Variants in ROS1 observed in about 807,000 individuals in gnomAD.
ROS1 encodes ROS proto-oncogene 1, receptor tyrosine kinase, also known as proto-oncogene tyrosine-protein kinase ROS.
Under a neutral mutation model 273.5 loss-of-function variants are expected in ROS1, and 263 were observed. That is an observed-to-expected ratio of 0.96 (90% CI 0.87 to 1.06). The LOEUF (loss-of-function observed/expected upper bound fraction) is 1.06. Ranked by LOEUF, ROS1 falls within the 50% of genes least tolerant of loss-of-function variation. ROS1 has a pLI of 0.00. For missense variants in ROS1, 2,833 were observed against 2,751.1 expected, an observed-to-expected ratio of 1.03 and a Z score of -0.67; for synonymous variants, 1,008 against 954.1, an observed-to-expected ratio of 1.06 and a Z score of -1.04.
intron 7 of ROS1, 86 bp downstream of exon 7, chr6:117,403,053 G>C: frequency 2.1e-6 from 3 of 1,457,128 alleles, no homozygotes; most frequent in Non-Finnish European, 2.9e-6. Flanking sequence ...GGAAGGAATA[G>C]ATTTATTTCA....
At chr6:117,305,223 T>C (rs1367211017) in intron 42 of ROS1, among the ~76,000 whole-genome samples, 1 of 152,152 alleles carries the variant, frequency 6.6e-6, no homozygotes, top group Non-Finnish European at 1.5e-5. Flanking sequence ...GCTATTGCCA[T>C]ACTTACTTAT....
intron 27 of ROS1, among the ~76,000 whole-genome samples, chr6:117,352,761 C>T (rs1167749632): frequency 6.6e-6 from 1 of 152,136 alleles, no homozygotes; most frequent in Non-Finnish European, 1.5e-5. Context: ...ACGCAGGTTT[C>T]CCATGTCTAA....
intron 33 of ROS1, among the ~76,000 whole-genome samples, chr6:117,327,539 G>A (rs1776730847): frequency 6.6e-6 from 1 of 152,066 alleles, no homozygotes. Flanking sequence ...ACTGTACTGG[G>A]GCTTTACATA....
chr6:117,302,954 TC>T (rs1395168099), intron 42 of ROS1, among the ~76,000 whole-genome samples: 5 of 152,202 alleles, frequency 3.3e-5, no homozygotes, highest in African/African-American at 1.2e-4. Flanking sequence ...TATCAAGTTC[TC>T]TTCTTTCTTC....
At chr6:117,398,677 T>G (rs1582848498) in intron 7 of ROS1, among the ~76,000 whole-genome samples, 1 of 102,324 alleles carries the variant, frequency 9.8e-6, no homozygotes, top group African/African-American at 3.5e-5. Context: ...AGACCTTGTC[T>G]CAAAAAAAAA....
intron 1 of ROS1, 136 bp downstream of exon 1, chr6:117,425,398 A>C: frequency 2.6e-6 from 2 of 766,632 alleles, no homozygotes; most frequent in Non-Finnish European, 3.9e-6. Context: ...AAGAAAAAAT[A>C]ATCTATCTTG....
rs560372916 is a variant in ROS1, at chr6:117,381,694, C to T, written c.2481+1623G>A. On this transcript the variant is annotated intron_variant, in intron 17 of 43. Transcript: ENST00000368507. Reference sequence around the variant, plus strand: ...CCTATCTTTGCAATTGCAAATTGTGCTGCCATAAACATATGTGTGCAGGTG... The same window carrying T: ...CCTATCTTTGCAATTGCAAATTGTGTTGCCATAAACATATGTGTGCAGGTG... 3.9e-5 allele frequency among the ~76,000 whole-genome samples: 6 copies of T among 152,214 alleles called. No homozygotes were observed. The East Asian group carries it at 1.2e-3, about 29-fold the overall frequency.
intron 25 of ROS1, 131 bp from the exon 26 acceptor site, chr6:117,357,046 A>T (rs1053443330): frequency 3.3e-5 from 24 of 731,062 alleles, no homozygotes; most frequent in Non-Finnish European, 4.0e-5. Flanking sequence ...GAACATGGTC[A>T]AGTTTTCAAT....
In ROS1 at chr6:117,354,156, G is replaced by C. The variant is rs185367853; in HGVS notation, c.4127-990C>G. 5.1e-3 allele frequency among the ~76,000 whole-genome samples: 773 copies of C among 152,202 alleles called. 6 individuals carry two copies. The highest frequency in any genetic ancestry group is 0.014 in the Middle Eastern group (4 of 294). On this transcript the variant is annotated intron_variant, in intron 26 of 43. Transcript: ENST00000368507. ...GCTTGAGCCCAGGAATTCAAGACTA[G>C]ACTGGGCAGCATAGCAATACCCTGT...
chr6:117,424,636 A>T (rs1227192647), intron 1 of ROS1, among the ~76,000 whole-genome samples: 4 of 152,058 alleles, frequency 2.6e-5, no homozygotes, highest in East Asian at 1.9e-4. Context: ...CTAAACTTTT[A>T]AAAAAATGCT....
intron 39 of ROS1, among the ~76,000 whole-genome samples, chr6:117,316,408 A>C (rs1775921124): frequency 6.6e-6 from 1 of 150,542 alleles, no homozygotes; most frequent in African/African-American, 2.4e-5. Context: ...TTGATATAAA[A>C]ATTTTTTTAA....
At chr6:117,312,232 A>G (rs1331271579) in intron 39 of ROS1, among the ~76,000 whole-genome samples, 2 of 151,860 alleles carry the variant, frequency 1.3e-5, no homozygotes, top group Non-Finnish European at 2.9e-5. Flanking sequence ...CTTGATTTCC[A>G]TGGACAGCCT....
chr6:117,369,980 T>C (rs1780630104), intron 18 of ROS1, among the ~76,000 whole-genome samples: 2 of 152,304 alleles, frequency 1.3e-5, no homozygotes, highest in Non-Finnish European at 2.9e-5. Flanking sequence ...TATACATATA[T>C]GTACATACGG....
At chr6:117,361,000 T>C (rs1779755090) in intron 22 of ROS1, among the ~76,000 whole-genome samples, 1 of 152,138 alleles carries the variant, frequency 6.6e-6, no homozygotes, top group Non-Finnish European at 1.5e-5. Flanking sequence ...TGATTGTGCA[T>C]TTCAAACCAG....
rs200482357 is a variant in ROS1, at chr6:117,318,186, A to G, written c.5987+2T>C. ...ACCAGGAGAAAATTATTTCAGAGCT[A>G]CCTCATCAGATGTGCCTCCTTCAGG... On this transcript the variant is annotated splice_donor_variant, in intron 38 of 43. Transcript: ENST00000368507. LOFTEE classifies it high-confidence loss of function. 3.5e-5 allele frequency: 57 copies of G among 1,611,124 alleles called. No homozygotes were observed. The highest frequency in any genetic ancestry group is 1.4e-5 in the Non-Finnish European group (17 of 1,177,882).
chr6:117,322,181 T>G (rs975197855), intron 35 of ROS1, among the ~76,000 whole-genome samples: 2 of 152,136 alleles, frequency 1.3e-5, no homozygotes, highest in Admixed American at 6.6e-5. Flanking sequence ...AGTTAGAGTT[T>G]TATTCACATG....
chr6:117,296,302 G>A (rs1208023626), intron 43 of ROS1, among the ~76,000 whole-genome samples: 2 of 152,154 alleles, frequency 1.3e-5, no homozygotes, highest in Middle Eastern at 3.4e-3. Context: ...TCGGAATGCC[G>A]AGGCATAAGA....
chr6:117,368,665 T>G (rs1445501173), intron 18 of ROS1, among the ~76,000 whole-genome samples: 1 of 152,192 alleles, frequency 6.6e-6, no homozygotes, highest in Non-Finnish European at 1.5e-5. Context: ...AAAACTAATA[T>G]TTGATTCATA....
chr6:117,360,273 GACACACAC>G (rs36181502), intron 23 of ROS1, 61 bp downstream of exon 23: 80,272 of 763,538 alleles, frequency 0.11, 2,595 homozygotes, highest in Middle Eastern at 0.22. Flanking sequence ...ACACCAATGG[GACACACAC>G]ACACACACAC....
Sources: allele counts gnomAD v4.1 joint callset (sites outside exome capture counted in the v4.1 genomes callset), GRCh38; gene constraint gnomAD v4.1.1; transcripts MANE v1.5; gene names NCBI Gene and HGNC (gene_info 2026-07-23, HGNC 2026-07-21).